Variants in PCDH9 observed in about 807,000 individuals in gnomAD.
PCDH9 encodes the protein protocadherin 9.
A neutral mutation model predicts 70.6 loss-of-function variants in PCDH9; 24 were observed. That is an observed-to-expected ratio of 0.34 (90% confidence interval 0.25 to 0.48). PCDH9 has a LOEUF of 0.48. Among genes scored for constraint, PCDH9 ranks in the 20% least tolerant of loss-of-function variants. PCDH9 has a pLI of 0.99. For missense variants in PCDH9, 1,281 were observed against 1,503.6 expected (o/e 0.85, Z 2.45); for synonymous variants, 562 against 558.5 (o/e 1.01, Z -0.09).
intron 2 of PCDH9, among the ~76,000 whole-genome samples, chr13:67,007,952 T>C (rs1355220113): frequency 6.6e-6 from 1 of 152,178 alleles, no homozygotes; most frequent in African/African-American, 2.4e-5. Context: ...TGTGATTGTA[T>C]TCAATGGGAA....
intron 2 of PCDH9, chr13:67,213,240 A>AAAAAAAAAACAAAAAAAAG (rs1593630525): frequency 1.7e-5 from 1 of 59,024 alleles, no homozygotes; most frequent in African/African-American, 5.5e-5. Flanking sequence ...AAAAAAAAAG[A>AAAAAAAAAACAAAAAAAAG]AAAAAAAAAG....
intron 3 of PCDH9, among the ~76,000 whole-genome samples, chr13:66,824,198 T>C (rs1378269477): frequency 6.6e-6 from 1 of 151,168 alleles, no homozygotes; most frequent in East Asian, 1.9e-4. Context: ...TTAGAAATAC[T>C]TGTCTTAACT....
At chr13:66,419,909 C>G (rs1957532588) in intron 4 of PCDH9, among the ~76,000 whole-genome samples, 1 of 152,104 alleles carries the variant, frequency 6.6e-6, no homozygotes, top group Non-Finnish European at 1.5e-5. Context: ...ACCTAGCAAG[C>G]TAAGATCCAC....
chr13:66,368,182 CAG>C (rs1231783613), intron 4 of PCDH9, among the ~76,000 whole-genome samples: 11 of 151,874 alleles, frequency 7.2e-5, no homozygotes, highest in African/African-American at 2.2e-4. Context: ...TTTTCTAGAA[CAG>C]AGAGTGAACA....
intron 2 of PCDH9, chr13:67,208,719 A>G (rs1273749353): frequency 2.6e-5 from 4 of 152,190 alleles, no homozygotes; most frequent in African/African-American, 9.6e-5. Flanking sequence ...TGAATATGAC[A>G]GAAAAGCAGC....
chr13:66,484,759 A>G (rs1369634127), intron 4 of PCDH9, among the ~76,000 whole-genome samples: 2 of 152,156 alleles, frequency 1.3e-5, no homozygotes, highest in Non-Finnish European at 2.9e-5. Context: ...ACTGGATTCA[A>G]ACTCTGTCCT....
chr13:66,660,183 C>T (rs928856667), intron 3 of PCDH9, among the ~76,000 whole-genome samples: 5 of 152,128 alleles, frequency 3.3e-5, no homozygotes, highest in Admixed American at 6.5e-5. Flanking sequence ...TGGTGAAATG[C>T]CGTGGAAATG....
At chr13:66,992,215 G>A (rs78958839) in intron 2 of PCDH9, among the ~76,000 whole-genome samples, 1 of 152,106 alleles carries the variant, frequency 6.6e-6, no homozygotes, top group Non-Finnish European at 1.5e-5. Flanking sequence ...CAAATGTTTC[G>A]ATCATCTCTA....
intron 1 of PCDH9, among the ~76,000 whole-genome samples, 177 bp from the exon 2 acceptor site, chr13:67,228,752 C>T (rs932579018): frequency 1.3e-5 from 2 of 152,088 alleles, no homozygotes; most frequent in African/African-American, 4.8e-5. Flanking sequence ...TTGCATTTGC[C>T]GGGAGAAAAT....
chr13:67,195,586 G>A (rs900139829), intron 2 of PCDH9, among the ~76,000 whole-genome samples: 2 of 152,096 alleles, frequency 1.3e-5, no homozygotes, highest in Admixed American at 6.6e-5. Context: ...GCAAAATAAA[G>A]ATTTGTGCCA....
intron 3 of PCDH9, among the ~76,000 whole-genome samples, chr13:66,632,819 GACCACTTA>G (rs879718012): frequency 3.0e-4 from 45 of 151,842 alleles, no homozygotes; most frequent in Admixed American, 9.8e-4. Context: ...TGCTACATAT[GACCACTTA>G]AATTCAGAAT....
At chr13:66,621,428 G>A (rs2077420007) in intron 4 of PCDH9, among the ~76,000 whole-genome samples, 1 of 152,170 alleles carries the variant, frequency 6.6e-6, no homozygotes, top group South Asian at 2.1e-4. Context: ...ATAGTCCCTA[G>A]AGATTAATGA....
chr13:66,633,392 C>T (rs960123455), intron 3 of PCDH9, among the ~76,000 whole-genome samples: 4 of 152,116 alleles, frequency 2.6e-5, no homozygotes, highest in Non-Finnish European at 5.9e-5. Context: ...AAAGATCATG[C>T]TACCATGTTT....
chr13:66,445,205 A>G (rs1958050662), intron 4 of PCDH9, among the ~76,000 whole-genome samples: 2 of 147,070 alleles, frequency 1.4e-5, no homozygotes, highest in African/African-American at 4.9e-5. Flanking sequence ...GTACACTTCA[A>G]ATATATATAA....
chr13:66,478,363 C>T (rs889186210), intron 4 of PCDH9, among the ~76,000 whole-genome samples: 2 of 152,188 alleles, frequency 1.3e-5, no homozygotes, highest in Admixed American at 6.5e-5. Context: ...TAAGCAATCA[C>T]GTAAAAGGAG....
At chr13:66,815,467 CA>C (rs1186916637) in intron 3 of PCDH9, among the ~76,000 whole-genome samples, 1 of 152,126 alleles carries the variant, frequency 6.6e-6, no homozygotes, top group Non-Finnish European at 1.5e-5. Flanking sequence ...AAGACACACG[CA>C]CAGGTAGATT....
intron 4 of PCDH9, among the ~76,000 whole-genome samples, chr13:66,329,751 TG>T (rs1955907020): frequency 2.6e-5 from 4 of 152,206 alleles, no homozygotes; most frequent in Admixed American, 2.6e-4. Context: ...TTGTGAAGTT[TG>T]TTTGTAAATG....
chr13:66,480,396 T>C (rs529968583), intron 4 of PCDH9, among the ~76,000 whole-genome samples: 133 of 152,286 alleles, frequency 8.7e-4, no homozygotes, highest in Non-Finnish European at 1.2e-3. Flanking sequence ...ATAACAAAAT[T>C]CTAGAGTAGT....
At position 66,962,568 on chromosome 13, in the gene PCDH9, T is replaced by C. The variant is rs1271832830; in HGVS notation, c.3037-58963A>G. ...ATTGCTTCTAGCCTACAAAACCTAG[T>C]GTTACTGTAGTAAATACTGGAGGCA... On this transcript the variant is annotated intron_variant, in intron 2 of 4. Transcript: ENST00000377865. 1.1e-4 allele frequency among the ~76,000 whole-genome samples: 17 copies of C among 152,304 alleles called. No individual in the cohort carries two copies. The East Asian group carries it at 3.3e-3, about 29-fold the overall frequency.
Sources: allele counts gnomAD v4.1 joint callset (sites outside exome capture counted in the v4.1 genomes callset), GRCh38; gene constraint gnomAD v4.1.1; transcripts MANE v1.5; gene names NCBI Gene and HGNC (gene_info 2026-07-23, HGNC 2026-07-21).